NXPH1: variants seen among roughly 807,000 people sequenced by gnomAD.
NXPH1 encodes the protein neurexophilin 1.
Under a neutral mutation model 23.7 loss-of-function variants are expected in NXPH1, and 5 were observed. The ratio of observed to expected loss-of-function variants is 0.21; its 90% CI spans 0.11 to 0.44. NXPH1 has a LOEUF of 0.44. Ranked by LOEUF, NXPH1 falls within the 20% of genes least tolerant of loss-of-function variation. NXPH1 has a pLI of 0.99. For synonymous variants in NXPH1, 144 were observed against 122.2 expected, an observed-to-expected ratio of 1.18 and a Z score of -1.18; for missense variants, 324 against 321.6, an observed-to-expected ratio of 1.01 and a Z score of -0.06.
rs74828827 is a variant in NXPH1, at chr7:8,566,156, G to A, written c.54+130389G>A. The stretch of plus-strand genomic sequence containing the variant: ...TTTTCTGAGTCTCTCACAGAGGCTC[G>A]AGCAAAGGAGCTTCAGTCTCTCTAG... On this transcript the variant is annotated intron_variant, in intron 2 of 2. Transcript: ENST00000405863. Among the ~76,000 whole-genome samples, 1,169 of 151,848 alleles carry A rather than the reference G, an allele frequency of 7.7e-3. 14 individuals carry two copies. The highest frequency in any genetic ancestry group is 0.026 in the African/African-American group (1,085 of 41,486).
intron 2 of NXPH1, among the ~76,000 whole-genome samples, chr7:8,575,972 A>G (rs1818746956): frequency 6.6e-6 from 1 of 152,146 alleles, no homozygotes. Context: ...CTTATATTTC[A>G]AGATTATTAG....
At chr7:8,541,219 A>G (rs904311130) in intron 2 of NXPH1, among the ~76,000 whole-genome samples, 32 of 151,770 alleles carry the variant, frequency 2.1e-4, no homozygotes, top group African/African-American at 7.7e-4. Flanking sequence ...TATGGAAGAT[A>G]CAAAAAAGAC....
At chr7:8,474,921 AG>A (rs1816943596) in intron 2 of NXPH1, among the ~76,000 whole-genome samples, 1 of 152,088 alleles carries the variant, frequency 6.6e-6, no homozygotes, top group Admixed American at 6.6e-5. Flanking sequence ...ACCTTCTCCC[AG>A]GGTGAGCAGA....
chr7:8,449,292 G>A (rs1459764781), intron 2 of NXPH1, among the ~76,000 whole-genome samples: 1 of 152,180 alleles, frequency 6.6e-6, no homozygotes, highest in Non-Finnish European at 1.5e-5. Flanking sequence ...CCCTTCCAAG[G>A]CATTGCCCTG....
intron 2 of NXPH1, among the ~76,000 whole-genome samples, chr7:8,455,781 GT>G (rs2128606137): frequency 6.6e-6 from 1 of 152,336 alleles, no homozygotes; most frequent in South Asian, 2.1e-4. Flanking sequence ...ATCAGATGCT[GT>G]TGGAGCCACT....
At chr7:8,651,075 ACTCGTC>A (rs1820484411) in intron 2 of NXPH1, among the ~76,000 whole-genome samples, 2 of 148,822 alleles carry the variant, frequency 1.3e-5, no homozygotes, top group East Asian at 4.0e-4. Context: ...GCACCCACTA[ACTCGTC>A]ATCTAGCATT....
chr7:8,481,985 G>A (rs1047398133), intron 2 of NXPH1, among the ~76,000 whole-genome samples: 4 of 152,122 alleles, frequency 2.6e-5, no homozygotes, highest in Non-Finnish European at 5.9e-5. Flanking sequence ...TGGACCTGAC[G>A]CACATGCAGC....
rs142012412 is a variant in NXPH1 at position 8,544,970 on chromosome 7, C to T, written c.54+109203C>T. 1.7e-4 allele frequency among the ~76,000 whole-genome samples: 26 copies of T among 151,670 alleles called. 1 individual carries two copies. The East Asian group carries it at 4.7e-3, about 27-fold the overall frequency. On this transcript the variant is annotated intron_variant, in intron 2 of 2. Transcript: ENST00000405863. ...ACCACTTAGTCTAGCGTGACCTTAACAGAATAGTTTCTTAATGGATATCTA... is the reference window on the plus strand; with the variant it reads ...ACCACTTAGTCTAGCGTGACCTTAATAGAATAGTTTCTTAATGGATATCTA...
intron 2 of NXPH1, among the ~76,000 whole-genome samples, chr7:8,609,449 A>G (rs1369825260): frequency 6.6e-6 from 1 of 152,192 alleles, no homozygotes; most frequent in Non-Finnish European, 1.5e-5. Context: ...GTTGCCTCAA[A>G]TATCAAGAAG....
chr7:8,745,317 ATACT>A (rs1245797851), intron 2 of NXPH1, among the ~76,000 whole-genome samples: 1 of 151,760 alleles, frequency 6.6e-6, no homozygotes, highest in Non-Finnish European at 1.5e-5. Context: ...ATTATCTCAC[ATACT>A]TGTTTTTTGT....
chr7:8,533,552 T>C (rs772512632), intron 2 of NXPH1, among the ~76,000 whole-genome samples: 6 of 152,160 alleles, frequency 3.9e-5, no homozygotes, highest in Non-Finnish European at 8.8e-5. Flanking sequence ...AAAAACCAAT[T>C]GAAAATTTAG....
At chr7:8,646,716 G>A (rs1820404779) in intron 2 of NXPH1, among the ~76,000 whole-genome samples, 1 of 152,018 alleles carries the variant, frequency 6.6e-6, no homozygotes, top group African/African-American at 2.4e-5. Flanking sequence ...CTCATTGGAT[G>A]TGTTAATATA....
chr7:8,536,792 A>T (rs949666136), intron 2 of NXPH1, among the ~76,000 whole-genome samples: 3 of 151,964 alleles, frequency 2.0e-5, no homozygotes, highest in African/African-American at 7.2e-5. Flanking sequence ...AAGCATTCAT[A>T]TTTAGGTTGT....
At chr7:8,711,246 G>T (rs557132073) in intron 2 of NXPH1, among the ~76,000 whole-genome samples, 18 of 152,200 alleles carry the variant, frequency 1.2e-4, no homozygotes, top group African/African-American at 4.3e-4. Context: ...CCTTCTAGAT[G>T]TTTGTATATT....
intron 2 of NXPH1, among the ~76,000 whole-genome samples, chr7:8,658,138 C>A (rs954667694): frequency 2.6e-4 from 39 of 152,134 alleles, no homozygotes; most frequent in African/African-American, 8.7e-4. Context: ...GTTTTCAGAC[C>A]AGTATTTAGT....
intron 2 of NXPH1, among the ~76,000 whole-genome samples, chr7:8,443,031 T>C (rs1239466261): frequency 6.6e-6 from 1 of 152,214 alleles, no homozygotes; most frequent in Non-Finnish European, 1.5e-5. Context: ...CAGTAGGGCC[T>C]GCCTCCCCCG....
intron 2 of NXPH1, among the ~76,000 whole-genome samples, chr7:8,714,299 G>A (rs1779843698): frequency 6.6e-6 from 1 of 151,224 alleles, no homozygotes; most frequent in Non-Finnish European, 1.5e-5. Flanking sequence ...GCTTGTGGTG[G>A]ATGCTGACAG....
chr7:8,442,114 G>C lies in NXPH1; in HGVS notation c.54+6347G>C, dbSNP rs1272829230. 6.6e-6 allele frequency among the ~76,000 whole-genome samples: 1 copy of C among 152,088 alleles called. No individual in the cohort carries two copies. The highest frequency in any genetic ancestry group is 1.5e-5 in the Non-Finnish European group (1 of 68,008). On this transcript the variant is annotated intron_variant, in intron 2 of 2. Coordinates refer to ENST00000405863, the MANE Select transcript of NXPH1 (RefSeq NM_152745.3). This position sits in a 1 kb window ranked among gnomAD's most constrained non-coding sequence, Gnocchi z 4.6. ...AAGACAGTAGCTCCTCTCGGGCCAC[G>C]GCTTACGAAAAGCTTTCCTAGCTCC... is the stretch of plus-strand genomic sequence containing the variant.
chr7:8,437,020 G>C (rs2128603562), intron 2 of NXPH1, among the ~76,000 whole-genome samples: 1 of 152,338 alleles, frequency 6.6e-6, no homozygotes, highest in Non-Finnish European at 1.5e-5. Context: ...TTCAATCCAA[G>C]AACCCTCAAT....
Sources: allele counts gnomAD v4.1 joint callset (sites outside exome capture counted in the v4.1 genomes callset), GRCh38; gene constraint gnomAD v4.1.1; non-coding constraint Gnocchi (gnomAD v3.1); transcripts MANE v1.5; gene names NCBI Gene and HGNC (gene_info 2026-07-23, HGNC 2026-07-21).